Variants in SLC26A2 observed in about 807,000 individuals in gnomAD.
SLC26A2 encodes sulfate transporter.
A neutral mutation model predicts 41.1 loss-of-function variants in SLC26A2; 36 were observed. That is an observed-to-expected ratio of 0.88 (90% confidence interval 0.67 to 1.16). The LOEUF (loss-of-function observed/expected upper bound fraction) is 1.16. SLC26A2 is among the 50% of genes most tolerant of loss of function. SLC26A2 has a pLI of 0.00. For synonymous variants in SLC26A2, 291 were observed against 311.6 expected (o/e 0.93, Z 0.70); for missense variants, 796 against 869.6 (o/e 0.92, Z 1.07).
intron 1 of SLC26A2, among the ~76,000 whole-genome samples, chr5:149,961,195 G>A (rs1401102376): frequency 6.6e-6 from 1 of 152,218 alleles, no homozygotes; most frequent in Admixed American, 6.5e-5. Flanking sequence ...GGGCCTGCCC[G>A]TCTGGCTGGC....
chr5:149,961,366 CTG>C (rs777734745), intron 1 of SLC26A2, among the ~76,000 whole-genome samples: 12 of 152,238 alleles, frequency 7.9e-5, no homozygotes, highest in Admixed American at 2.0e-4. Flanking sequence ...GATGGGGAAA[CTG>C]AGGCCGGCAC....
chr5:149,981,162 A>C lies in SLC26A2; in HGVS notation c.1569A>C (p.Ala523=). 1 of 1,614,174 alleles carries C rather than the reference A, an allele frequency of 6.2e-7. No homozygotes were observed. Among genetic ancestry groups the C allele is most frequent in the Non-Finnish European group, 8.5e-7 (1 of 1,180,024 alleles). ...VIWFVTMLSS[A]LLSTEIGLLV... ...GGTTTGTTACTATGCTGTCCTCTGC[A>C]CTGCTAAGTACTGAAATAGGCCTAC... Residue 523 remains alanine (A), a synonymous_variant, in exon 3 of 3, where the codon GCA becomes GCC. Coordinates refer to ENST00000286298, the MANE Select transcript of SLC26A2 (RefSeq NM_000112.4).
Position 149,980,380 on chromosome 5 carries a change from A to G in SLC26A2, c.787A>G (p.Thr263Ala). The G allele has an allele frequency of 6.2e-7, 1 of 1,613,996 alleles. No homozygotes were observed. ...LSGFVTGASF[T>A]ILTSQAKYLL... ...TGGATTTGTCACTGGTGCCTCCTTC[A>G]CTATTCTTACATCTCAGGCCAAGTA... The change falls in exon 3 of 3, where the codon ACT becomes GCT. Residue 263 changes from threonine to alanine, a missense_variant. By Grantham distance (58) the Thr-to-Ala change is moderately conservative. Coordinates refer to ENST00000286298, the MANE Select transcript of SLC26A2 (RefSeq NM_000112.4).
At chr5:149,970,565 T>A (rs576048139) in intron 1 of SLC26A2, among the ~76,000 whole-genome samples, 12 of 152,086 alleles carry the variant, frequency 7.9e-5, no homozygotes, top group Middle Eastern at 3.4e-3. Flanking sequence ...CCTGTATAGA[T>A]CTGGGAGATT....
At chr5:149,974,001 G>A (rs6896747) in intron 1 of SLC26A2, among the ~76,000 whole-genome samples, 1 of 151,930 alleles carries the variant, frequency 6.6e-6, no homozygotes, top group Non-Finnish European at 1.5e-5. Context: ...ATTAAAAAAT[G>A]AGCCAGGCTT....
chr5:149,972,537 T>C (rs568936040), intron 1 of SLC26A2, among the ~76,000 whole-genome samples: 1 of 152,314 alleles, frequency 6.6e-6, no homozygotes, highest in African/African-American at 2.4e-5. Flanking sequence ...AGATAGGTGG[T>C]AGGAGTAGTA....
Position 149,978,075 on chromosome 5 carries a change from G to T in SLC26A2, c.423G>T (p.Leu141=). The T allele has an allele frequency of 6.2e-7, 1 of 1,605,912 alleles. No individual in the cohort carries two copies. Among genetic ancestry groups the T allele is most frequent in the Non-Finnish European group, 8.5e-7 (1 of 1,175,452 alleles). ...CTGGCCAAGAACCTGTCTATGGTCT[G>T]TACACATCTTTTTTTGCCAGCATCA... ...LLAGQEPVYG[L]YTSFFASIIY... The change falls in exon 2 of 3, where the codon CTG becomes CTT. Residue 141 remains leucine (L), a synonymous_variant. Coordinates refer to ENST00000286298, the MANE Select transcript of SLC26A2 (RefSeq NM_000112.4).
chr5:149,981,123 G>A lies in SLC26A2; in HGVS notation c.1530G>A (p.Met510Ile). The part of the protein sequence containing the change: ...DLPKMWSISR[M>I]DTVIWFVTML... ...CCAAAATGTGGAGTATTAGTAGAAT[G>A]GATACAGTTATCTGGTTTGTTACTA... is the stretch of plus-strand genomic sequence containing the variant. The change falls in exon 3 of 3, where the codon ATG becomes ATA. Residue 510 changes from methionine (M) to isoleucine (I), a missense_variant. Transcript: ENST00000286298. 6.2e-7 allele frequency: 1 copy of A among 1,614,102 alleles called. No individual in the cohort carries two copies. The highest frequency in any genetic ancestry group is 1.1e-5 in the South Asian group (1 of 91,072).
At chr5:149,968,035 CT>C (rs1177820552) in intron 1 of SLC26A2, among the ~76,000 whole-genome samples, 2 of 141,786 alleles carry the variant, frequency 1.4e-5, no homozygotes, top group African/African-American at 5.3e-5. Context: ...TGCATCGTGT[CT>C]GTCTTTTGCT....
chr5:149,961,129 A>C (rs1754695136), intron 1 of SLC26A2, 150 bp downstream of exon 1: 1 of 152,442 alleles, frequency 6.6e-6, no homozygotes, highest in Admixed American at 6.5e-5. Context: ...GGCGTGCGTC[A>C]GGTTATTTCC....
At chr5:149,968,760 C>T (rs572230132) in intron 1 of SLC26A2, among the ~76,000 whole-genome samples, 3 of 133,548 alleles carry the variant, frequency 2.2e-5, no homozygotes, top group South Asian at 2.4e-4. Context: ...GGTCTGTTGC[C>T]GCAGCTGGGG....
intron 1 of SLC26A2, among the ~76,000 whole-genome samples, chr5:149,968,059 G>T (rs1754836713): frequency 6.7e-6 from 1 of 149,788 alleles, no homozygotes; most frequent in African/African-American, 2.5e-5. Flanking sequence ...ACATAAGGGT[G>T]TTAAGTTTCC....
rs748275663 is a variant in SLC26A2, at chr5:149,981,822, G to A, written c.*9G>A. ...GTCTTAGTAGTGATTAATTGAGAAG[G>A]TAGATAGAAGAATGTCTAGCCAATA... On this transcript the variant is annotated 3_prime_UTR_variant, in exon 3 of 3. Transcript: ENST00000286298. The A allele has an allele frequency of 1.9e-6, 3 of 1,590,162 alleles. No individual in the cohort carries two copies. Among genetic ancestry groups the A allele is most frequent in the Non-Finnish European group, 2.6e-6 (3 of 1,160,102 alleles).
intron 1 of SLC26A2, among the ~76,000 whole-genome samples, chr5:149,974,676 G>T (rs1330138021): frequency 4.0e-5 from 6 of 149,762 alleles, no homozygotes; most frequent in African/African-American, 1.5e-4. Context: ...GCCTGCCTTG[G>T]CCTCCGGAAG....
intron 1 of SLC26A2, among the ~76,000 whole-genome samples, chr5:149,965,360 G>C (rs1431145831): frequency 6.6e-6 from 1 of 151,444 alleles, no homozygotes; most frequent in African/African-American, 2.4e-5. Flanking sequence ...GGCGCCTGTA[G>C]TCCCAGCTAC....
At chr5:149,963,887 T>A (rs575772181) in intron 1 of SLC26A2, among the ~76,000 whole-genome samples, 1 of 152,024 alleles carries the variant, frequency 6.6e-6, no homozygotes, top group East Asian at 1.9e-4. Flanking sequence ...CTGGCCTCTG[T>A]TTTATATATT....
chr5:149,981,133 A>G lies in SLC26A2; in HGVS notation c.1540A>G (p.Ile514Val). 2 of 1,614,134 alleles carry G rather than the reference A, an allele frequency of 1.2e-6. No individual in the cohort carries two copies. Among genetic ancestry groups the G allele is most frequent in the Non-Finnish European group, 1.7e-6 (2 of 1,179,998 alleles). The change falls in exon 3 of 3, where the codon ATC becomes GTC. Residue 514 changes from isoleucine to valine, a missense_variant. Physicochemically the swap from Ile to Val is conservative, Grantham distance 29 (BLOSUM62 3). Transcript: ENST00000286298. ...MWSISRMDTV[I>V]WFVTMLSSAL... ...GAGTATTAGTAGAATGGATACAGTT[A>G]TCTGGTTTGTTACTATGCTGTCCTC...
chr5:149,977,824 C>T lies in SLC26A2; in HGVS notation c.172C>T (p.Arg58Cys), dbSNP rs369318758. ...CRPYHRILIE[R>C]QEKSDTNFKE... ...ACCTTATCATAGGATCCTTATTGAG[C>T]GTCAAGAGAAATCAGATACAAACTT... Residue 58 changes from arginine (R) to cysteine (C), a missense_variant, in exon 2 of 3, where the codon CGT becomes TGT. By Grantham distance (180) the Arg-to-Cys change is radical. Transcript: ENST00000286298. 2.0e-4 allele frequency: 316 copies of T among 1,613,910 alleles called. 1 individual carries two copies. Among genetic ancestry groups the T allele is most frequent in the Non-Finnish European group, 2.5e-4 (295 of 1,179,938 alleles).
intron 2 of SLC26A2, among the ~76,000 whole-genome samples, chr5:149,979,668 A>G (rs991287799): frequency 6.6e-6 from 1 of 152,214 alleles, no homozygotes; most frequent in African/African-American, 2.4e-5. Flanking sequence ...TATGGGAGAC[A>G]GTGTGGCATA....
Sources: allele counts gnomAD v4.1 joint callset (sites outside exome capture counted in the v4.1 genomes callset), GRCh38; gene constraint gnomAD v4.1.1; transcripts MANE v1.5; gene names NCBI Gene and HGNC (gene_info 2026-07-23, HGNC 2026-07-21).